CDCP1: variants seen among roughly 807,000 people sequenced by gnomAD.
The protein encoded by CDCP1 is CUB domain-containing protein 1.
In CDCP1, 29 loss-of-function variants were observed where a neutral mutation model predicts 60.2. That is an observed-to-expected ratio of 0.48 (90% CI 0.36 to 0.66). CDCP1 has a LOEUF of 0.66. Ranked by LOEUF, CDCP1 falls within the 30% of genes least tolerant of loss-of-function variation. The pLI is 0.00. For synonymous variants in CDCP1, 387 were observed against 431.1 expected, an observed-to-expected ratio of 0.90 and a Z score of 1.27; for missense variants, 876 against 1,074.3, an observed-to-expected ratio of 0.82 and a Z score of 2.58.
At chr3:45,117,597 C>CTTTTTTT (rs576166067) in intron 2 of CDCP1, among the ~76,000 whole-genome samples, 1 of 139,942 alleles carries the variant, frequency 7.1e-6, no homozygotes, top group Non-Finnish European at 1.6e-5. Context: ...TCCTCAACTT[C>CTTTTTTT]TTTTTTTTTT....
At chr3:45,128,537 G>C (rs1379521694) in intron 1 of CDCP1, among the ~76,000 whole-genome samples, 1 of 152,174 alleles carries the variant, frequency 6.6e-6, no homozygotes, top group Non-Finnish European at 1.5e-5. Flanking sequence ...AATTACAGAA[G>C]AGAGTAAAAT....
chr3:45,089,192 C>A (rs1184353736), intron 7 of CDCP1, 51 bp from the exon 8 acceptor site: 5 of 1,449,596 alleles, frequency 3.4e-6, no homozygotes, highest in Admixed American at 1.8e-5. Flanking sequence ...GGGGTGAGCT[C>A]TGCAATGAAC....
rs1219005573 is a variant in CDCP1, at chr3:45,085,078, G to A, written c.*560C>T. The A allele has an allele frequency of 6.6e-6, 1 of 152,574 alleles. No homozygotes were observed. Among genetic ancestry groups the A allele is most frequent in the Non-Finnish European group, 1.5e-5 (1 of 68,348 alleles). The allele number at this position is 152,574 out of a possible 1,614,324, so 9.5% of individuals were successfully genotyped here. ...GGGGACAGGCACACGTTTATCTAGC[G>A]GTCAGTAGAAGTCACAACCCAGGCA... On this transcript the variant is annotated 3_prime_UTR_variant, in exon 9 of 9. Transcript: ENST00000296129. This position sits in a 1 kb window ranked among gnomAD's most constrained non-coding sequence, Gnocchi z 4.2.
chr3:45,138,308 A>G (rs569948629), intron 1 of CDCP1, among the ~76,000 whole-genome samples: 1 of 152,280 alleles, frequency 6.6e-6, no homozygotes, highest in South Asian at 2.1e-4. Flanking sequence ...CACGTCCCCA[A>G]AGTCGACTGC....
rs1169461634 is a variant in CDCP1, at chr3:45,084,538, C to G, written c.*1100G>C. Reference sequence around the variant, plus strand: ...GCCATGTGAGAAAAGCTTGACCAGCCACTGGAGCCTGGGAATGCAGCCAGC... The same window carrying G: ...GCCATGTGAGAAAAGCTTGACCAGCGACTGGAGCCTGGGAATGCAGCCAGC... On this transcript the variant is annotated 3_prime_UTR_variant, in exon 9 of 9. Transcript: ENST00000296129. 6.6e-6 allele frequency: 1 copy of G among 152,180 alleles called. No homozygotes were observed. Among genetic ancestry groups the G allele is most frequent in the African/African-American group, 2.4e-5 (1 of 41,436 alleles). 9.4% of individuals were successfully genotyped at this position (152,180 alleles called of 1,614,324 possible).
At chr3:45,115,095 G>T (rs1327856107) in intron 2 of CDCP1, among the ~76,000 whole-genome samples, 4 of 151,920 alleles carry the variant, frequency 2.6e-5, no homozygotes, top group Non-Finnish European at 5.9e-5. Context: ...AAAGACAAGT[G>T]GGTGTGGTGG....
chr3:45,142,500 C>T (rs1038801207), intron 1 of CDCP1, among the ~76,000 whole-genome samples: 1 of 152,182 alleles, frequency 6.6e-6, no homozygotes, highest in African/African-American at 2.4e-5. Flanking sequence ...GAGGAAAATG[C>T]TTCTTCCATA....
chr3:45,103,767 T>A (rs767582019), intron 4 of CDCP1, among the ~76,000 whole-genome samples: 15 of 152,234 alleles, frequency 9.9e-5, no homozygotes, highest in Non-Finnish European at 1.9e-4. Context: ...TTGCCACTCC[T>A]CTGCTATATT....
chr3:45,101,607 C>G (rs73089325), intron 4 of CDCP1, among the ~76,000 whole-genome samples: 12,484 of 152,162 alleles, frequency 0.082, 743 homozygotes, highest in African/African-American at 0.16. Flanking sequence ...TGGTCATGTG[C>G]TGGGTGCAGT....
intron 7 of CDCP1, among the ~76,000 whole-genome samples, chr3:45,090,298 C>G (rs549320510): frequency 2.7e-4 from 41 of 152,306 alleles, no homozygotes; most frequent in African/African-American, 9.4e-4. Flanking sequence ...AGACATGGCC[C>G]CACCACAGCC....
intron 7 of CDCP1, 27 bp from the exon 8 acceptor site, chr3:45,089,168 A>T (rs1344298340): frequency 1.3e-6 from 2 of 1,588,882 alleles, no homozygotes; most frequent in Middle Eastern, 1.7e-4. Context: ...AAAGAGACAG[A>T]TGAAGAGGCA....
At chr3:45,145,841 C>T (rs1699373682) in intron 1 of CDCP1, among the ~76,000 whole-genome samples, 1 of 152,166 alleles carries the variant, frequency 6.6e-6, no homozygotes, top group Non-Finnish European at 1.5e-5. Context: ...CTGGGGCGCA[C>T]GGCGCGCCAC....
At chr3:45,123,496 A>C (rs1698921391) in intron 1 of CDCP1, among the ~76,000 whole-genome samples, 3 of 152,236 alleles carry the variant, frequency 2.0e-5, no homozygotes, top group Admixed American at 6.5e-5. Flanking sequence ...GGTCACAGCC[A>C]AGGACACATC....
In CDCP1 at chr3:45,089,088, C is replaced by G. The variant is rs141553746; in HGVS notation, c.2047G>C (p.Ala683Pro). 9 of 1,614,080 alleles carry G rather than the reference C, an allele frequency of 5.6e-6. No homozygotes were observed. Among genetic ancestry groups the G allele is most frequent in the African/African-American group, 5.3e-5 (4 of 75,018 alleles). ...ACACAGCAAATGATGAGCCCGAGGGCAGACAGCAGTAAGACTCCACCTCCC... is the reference window on the plus strand; with the variant it reads ...ACACAGCAAATGATGAGCCCGAGGGGAGACAGCAGTAAGACTCCACCTCCC... ...AVGGGVLLLS[A>P]LGLIICCVKK... The change falls in exon 8 of 9, where the codon GCC becomes CCC. Residue 683 changes from alanine to proline, a missense_variant. Coordinates refer to ENST00000296129, the MANE Select transcript of CDCP1 (RefSeq NM_022842.5).
At chr3:45,094,053 C>T (rs891059712) in intron 5 of CDCP1, among the ~76,000 whole-genome samples, 15 of 152,034 alleles carry the variant, frequency 9.9e-5, no homozygotes, top group Non-Finnish European at 1.5e-4. Context: ...CTGTGAGTGG[C>T]GTTGGGGAGA....
chr3:45,112,589 A>G (rs1698718398), intron 2 of CDCP1, 144 bp from the exon 3 acceptor site: 10 of 1,112,262 alleles, frequency 9.0e-6, no homozygotes, highest in Non-Finnish European at 1.2e-5. Flanking sequence ...CCAGGCCCCA[A>G]CTGCTGTGAG....
intron 4 of CDCP1, among the ~76,000 whole-genome samples, chr3:45,106,084 T>C (rs1416487694): frequency 6.6e-6 from 1 of 152,226 alleles, no homozygotes; most frequent in African/African-American, 2.4e-5. Flanking sequence ...AAATACTCCC[T>C]ACAGGAGTTC....
At chr3:45,098,718 A>G (rs1023939106) in intron 4 of CDCP1, among the ~76,000 whole-genome samples, 1 of 152,004 alleles carries the variant, frequency 6.6e-6, no homozygotes, top group Non-Finnish European at 1.5e-5. Flanking sequence ...TCTTCATTCT[A>G]TGTTTGTGTA....
At chr3:45,126,138 C>G (rs1698985056) in intron 1 of CDCP1, among the ~76,000 whole-genome samples, 1 of 138,960 alleles carries the variant, frequency 7.2e-6, no homozygotes, top group Admixed American at 7.4e-5. Context: ...TTCTTTCTTT[C>G]TTTCTTTCTT....
Sources: gnomAD v4.1 joint callset for allele counts (sites outside exome capture counted in the v4.1 genomes callset) on GRCh38, gnomAD v4.1.1 for gene constraint, Gnocchi (gnomAD v3.1) non-coding constraint, MANE v1.5 for transcripts, NCBI Gene and HGNC (gene_info 2026-07-23, HGNC 2026-07-21) for gene names.